The following CENPO variants were observed in gnomAD, a reference collection of about 807,000 sequenced individuals.
CENPO encodes the protein centromeric protein O.
CENPO carries 30 observed loss-of-function variants against 36.1 expected under a neutral mutation model. That is an observed-to-expected ratio of 0.83 (90% CI 0.62 to 1.13). The LOEUF is 1.13. CENPO is among the 50% of genes most tolerant of loss of function. The pLI is 0.00. For missense variants in CENPO, 349 were observed against 357.8 expected (o/e 0.98, Z 0.20); for synonymous variants, 171 against 142.3 (o/e 1.20, Z -1.44).
chr2:24,813,549 C>G (rs546627001), intron 3 of CENPO, among the ~76,000 whole-genome samples: 2 of 152,172 alleles, frequency 1.3e-5, no homozygotes, highest in South Asian at 4.2e-4. Flanking sequence ...AGCTTCTTTC[C>G]GTTTGGTTTC....
At chr2:24,811,299 T>TTTTTTTTTTTTTA (rs1666672731) in intron 3 of CENPO, among the ~76,000 whole-genome samples, 1 of 141,194 alleles carries the variant, frequency 7.1e-6, no homozygotes, top group African/African-American at 2.5e-5. Flanking sequence ...TTTTTTTTTT[T>TTTTTTTTTTTTTA]GAGACGGAGC....
intron 4 of CENPO, chr2:24,814,769 A>G: frequency 2.6e-6 from 1 of 377,388 alleles, no homozygotes; most frequent in South Asian, 3.8e-5. Flanking sequence ...CATGTGCCAG[A>G]CCTTGTACTA....
intron 4 of CENPO, 120 bp from the exon 5 acceptor site, chr2:24,815,368 TACTCATTGA>T: frequency 2.8e-6 from 2 of 720,894 alleles, no homozygotes; most frequent in Middle Eastern, 3.9e-4. Context: ...GAGCCTATGA[TACTCATTGA>T]ACAAACATTT....
intron 1 of CENPO, 44 bp downstream of exon 1, chr2:24,793,545 C>G: frequency 1.3e-6 from 2 of 1,530,222 alleles, no homozygotes; most frequent in Non-Finnish European, 1.8e-6. Flanking sequence ...CATTGTCGGA[C>G]CGGACCGTGG....
intron 3 of CENPO, among the ~76,000 whole-genome samples, chr2:24,803,371 CT>C (rs1341166147): frequency 6.6e-6 from 1 of 152,096 alleles, no homozygotes; most frequent in African/African-American, 2.4e-5. Context: ...CTTCTGCTAG[CT>C]TTTGAATGTG....
Position 24,820,241 on chromosome 2 carries a change from A to C in CENPO, c.*923A>C. On this transcript the variant is annotated 3_prime_UTR_variant, in exon 8 of 8. Coordinates refer to ENST00000380834, the MANE Select transcript of CENPO (RefSeq NM_001322101.2). ...TCCCAAGCAGTACGGGACACTCCCC[A>C]AACCTCCCAGGGCCAAGCCCTTCCA... 8.3e-7 allele frequency: 1 copy of C among 1,211,370 alleles called. No homozygotes were observed. Among genetic ancestry groups the C allele is most frequent in the East Asian group, 2.8e-5 (1 of 35,362 alleles). 75.0% of individuals were successfully genotyped at this position (1,211,370 alleles called of 1,614,324 possible). A position where few individuals can be genotyped will look rare whatever the true frequency, so the allele number is the denominator to read the frequency against.
At chr2:24,816,924 GT>G in intron 6 of CENPO, 107 bp downstream of exon 6, 1 of 1,066,324 alleles carries the variant, frequency 9.4e-7, no homozygotes, top group Non-Finnish European at 1.3e-6. Context: ...CACTTTCTCT[GT>G]TTATATACTG....
intron 3 of CENPO, 129 bp from the exon 4 acceptor site, chr2:24,814,247 C>T (rs1558379969): frequency 1.3e-5 from 9 of 682,626 alleles, no homozygotes; most frequent in South Asian, 3.4e-5. Context: ...AATAACTGAC[C>T]GGCCACTGTA....
intron 3 of CENPO, among the ~76,000 whole-genome samples, chr2:24,804,003 C>CTGGGTGCTCCTGTAT (rs1666268438): frequency 1.3e-5 from 2 of 152,124 alleles, no homozygotes; most frequent in Non-Finnish European, 2.9e-5. Flanking sequence ...CTTTATGAGT[C>CTGGGTGCTCCTGTAT]TGGGTGCTCC....
At chr2:24,813,657 G>A (rs1666807065) in intron 3 of CENPO, among the ~76,000 whole-genome samples, 1 of 152,178 alleles carries the variant, frequency 6.6e-6, no homozygotes, top group Non-Finnish European at 1.5e-5. Context: ...TGGAATCTTG[G>A]CCCGTAGAAA....
intron 4 of CENPO, 153 bp downstream of exon 4, chr2:24,814,646 A>G: frequency 1.6e-6 from 1 of 621,328 alleles, no homozygotes; most frequent in East Asian, 2.7e-5. Context: ...ACACAGACAC[A>G]CACACAGCTG....
chr2:24,816,692 T>C lies in CENPO; in HGVS notation c.641T>C (p.Leu214Pro), dbSNP rs765193864. ...LLTGPLQRNP[L>P]CNLLSFTYKL... ...ACTGGGCCCTTGCAGAGAAACCCAC[T>C]GTGTAACTTGCTGTCATTTACTTAC... The change falls in exon 6 of 8, where the codon CTG (leucine) becomes CCG (proline). Residue 214 changes from leucine to proline, a missense_variant. By Grantham distance (98) the Leu-to-Pro change is moderately conservative (BLOSUM62 -3). Transcript: ENST00000380834. 1.2e-6 allele frequency: 2 copies of C among 1,613,006 alleles called. No individual in the cohort carries two copies. The highest frequency in any genetic ancestry group is 1.3e-5 in the African/African-American group (1 of 75,036).
At chr2:24,816,420 C>T (rs1315224558) in intron 5 of CENPO, 1 of 482,282 alleles carries the variant, frequency 2.1e-6, no homozygotes, top group Non-Finnish European at 3.7e-6. Context: ...GAAGCTGTAC[C>T]CCTGGCCATT....
intron 3 of CENPO, among the ~76,000 whole-genome samples, chr2:24,808,741 A>C (rs904381117): frequency 1.4e-4 from 22 of 152,226 alleles, no homozygotes; most frequent in Admixed American, 1.4e-3. Context: ...ATATAATGCT[A>C]AATCTGACTT....
At chr2:24,797,978 C>T (rs1665986472) in intron 2 of CENPO, among the ~76,000 whole-genome samples, 2 of 152,172 alleles carry the variant, frequency 1.3e-5, no homozygotes, top group African/African-American at 2.4e-5. Flanking sequence ...ATCTGAAATA[C>T]TCCAAAATCT....
At chr2:24,799,584 AAAG>A in intron 2 of CENPO, 88 bp from the exon 3 acceptor site, 9 of 1,029,082 alleles carry the variant, frequency 8.7e-6, no homozygotes, top group East Asian at 7.5e-5. Context: ...AAAAAAAAAA[AAAG>A]AGTCACCTGT....
At position 24,811,993 on chromosome 2, in the gene CENPO, A is replaced by G. The variant is rs918172950; in HGVS notation, c.217-2383A>G. On this transcript the variant is annotated intron_variant, in intron 3 of 7. Transcript: ENST00000380834. ...TGTCACGTATAGTCAACATTCCTTT[A>G]GTGTTAGACACATATTTACCCTTTT... Among the ~76,000 whole-genome samples, 8 of 152,288 alleles carry G rather than the reference A, an allele frequency of 5.3e-5. No homozygotes were observed. The East Asian group carries it at 1.5e-3, about 29-fold the overall frequency.
intron 7 of CENPO, 103 bp downstream of exon 7, chr2:24,817,944 G>A (rs1558383694): frequency 1.1e-6 from 1 of 913,456 alleles, no homozygotes; most frequent in Non-Finnish European, 1.6e-6. Context: ...TCATCTGGAT[G>A]GAAGAGCAGG....
Position 24,821,707 on chromosome 2 carries a change from C to A in CENPO, c.*2389C>A. On this transcript the variant is annotated 3_prime_UTR_variant, in exon 8 of 8. Coordinates refer to ENST00000380834, the MANE Select transcript of CENPO (RefSeq NM_001322101.2). ...CTGCAGCAGCCTGCTCTGCTGCCTT[C>A]CCTGGCAGTGTTCTGGGGGTGGATT... 1 of 1,580,636 alleles carries A rather than the reference C, an allele frequency of 6.3e-7. No individual in the cohort carries two copies. Among genetic ancestry groups the A allele is most frequent in the Non-Finnish European group, 8.6e-7 (1 of 1,161,330 alleles).
Sources: gnomAD v4.1 joint callset for allele counts (sites outside exome capture counted in the v4.1 genomes callset) on GRCh38, gnomAD v4.1.1 for gene constraint, MANE v1.5 for transcripts, NCBI Gene and HGNC (gene_info 2026-07-23, HGNC 2026-07-21) for gene names.